Variants in ADAMTS12 observed in about 807,000 individuals in gnomAD.
ADAMTS12 encodes the protein A disintegrin and metalloproteinase with thrombospondin motifs 12.
In ADAMTS12, 118 loss-of-function variants were observed where a neutral mutation model predicts 167.8. The observed-to-expected ratio is 0.70, with a 90% CI of 0.61 to 0.82. The LOEUF (loss-of-function observed/expected upper bound fraction) is 0.82, where lower values mean the gene tolerates loss of function less well. Among genes scored for constraint, ADAMTS12 ranks in the 40% least tolerant of loss-of-function variants. The probability of loss-of-function intolerance (pLI) is 0.00; values close to 1 mark genes in which losing one functional copy is unlikely to be tolerated. For missense variants in ADAMTS12, 1,916 were observed against 1,998.8 expected (o/e 0.96, Z 0.79); for synonymous variants, 704 against 716.9 (o/e 0.98, Z 0.29).
intron 2 of ADAMTS12, among the ~76,000 whole-genome samples, chr5:33,770,866 CCTCT>C (rs1008880996): frequency 3.3e-5 from 5 of 151,926 alleles, no homozygotes; most frequent in African/African-American, 1.2e-4. Flanking sequence ...TCCTCCTCCT[CCTCT>C]ATTTTTTCTT....
intron 2 of ADAMTS12, among the ~76,000 whole-genome samples, chr5:33,849,000 A>ATAGCAATATATATATATGTATTGCT (rs1749062058): frequency 6.7e-6 from 1 of 150,268 alleles, no homozygotes; most frequent in Non-Finnish European, 1.5e-5. Flanking sequence ...TATGTATTGC[A>ATAGCAATATATATATATGTATTGCT]TAGCAATATA....
intron 2 of ADAMTS12, among the ~76,000 whole-genome samples, chr5:33,768,095 G>T (rs147804709): frequency 6.6e-6 from 1 of 152,146 alleles, no homozygotes; most frequent in African/African-American, 2.4e-5. Context: ...CATTCAGGCC[G>T]AAGTTAGTTG....
At chr5:33,700,588 G>A (rs1175103126) in intron 3 of ADAMTS12, among the ~76,000 whole-genome samples, 1 of 152,172 alleles carries the variant, frequency 6.6e-6, no homozygotes, top group African/African-American at 2.4e-5. Flanking sequence ...GGAATCTTTG[G>A]GGGCTGGAGC....
At chr5:33,743,718 A>ACCAT (rs570960759) in intron 3 of ADAMTS12, among the ~76,000 whole-genome samples, 3 of 151,980 alleles carry the variant, frequency 2.0e-5, no homozygotes, top group East Asian at 1.9e-4. Flanking sequence ...CATCCATCCA[A>ACCAT]CCATCCATCC....
intron 19 of ADAMTS12, among the ~76,000 whole-genome samples, chr5:33,573,419 A>T (rs1356670549): frequency 6.6e-6 from 1 of 152,232 alleles, no homozygotes; most frequent in Non-Finnish European, 1.5e-5. Flanking sequence ...TCAATGGAAC[A>T]GAACAGAGCC....
At chr5:33,675,970 G>A (rs1024941410) in intron 5 of ADAMTS12, among the ~76,000 whole-genome samples, 1 of 152,122 alleles carries the variant, frequency 6.6e-6, no homozygotes, top group African/African-American at 2.4e-5. Context: ...AAGCATCCTG[G>A]AAACTATTTG....
chr5:33,611,597 G>A (rs897463971), intron 16 of ADAMTS12, among the ~76,000 whole-genome samples: 1 of 152,120 alleles, frequency 6.6e-6, no homozygotes, highest in South Asian at 2.1e-4. Context: ...TCAATTATCA[G>A]AATATTTATA....
chr5:33,808,638 A>C (rs1292499599), intron 2 of ADAMTS12, among the ~76,000 whole-genome samples: 1 of 152,228 alleles, frequency 6.6e-6, no homozygotes, highest in Non-Finnish European at 1.5e-5. Context: ...GCATATAAAA[A>C]GGGAAAGCAT....
intron 2 of ADAMTS12, among the ~76,000 whole-genome samples, chr5:33,818,849 C>CT (rs1182483562): frequency 6.6e-6 from 1 of 152,002 alleles, no homozygotes; most frequent in East Asian, 1.9e-4. Flanking sequence ...ATGTTCAGTA[C>CT]TTTTTCATAT....
intron 14 of ADAMTS12, among the ~76,000 whole-genome samples, chr5:33,621,185 G>A (rs1485759125): frequency 6.6e-6 from 1 of 152,044 alleles, no homozygotes; most frequent in Non-Finnish European, 1.5e-5. Flanking sequence ...GGATCATGAG[G>A]TCAGGAGTTT....
intron 18 of ADAMTS12, among the ~76,000 whole-genome samples, chr5:33,584,087 T>C (rs1747211472): frequency 6.6e-6 from 1 of 152,226 alleles, no homozygotes; most frequent in Admixed American, 6.5e-5. Flanking sequence ...TGCGTTCAAA[T>C]CCTGGCTCCG....
At chr5:33,675,860 T>C (rs1048811292) in intron 5 of ADAMTS12, among the ~76,000 whole-genome samples, 8 of 152,130 alleles carry the variant, frequency 5.3e-5, no homozygotes, top group African/African-American at 7.2e-5. Flanking sequence ...ATGGATTAAA[T>C]TGAGGCAGCC....
chr5:33,780,606 T>C (rs942776340), intron 2 of ADAMTS12, among the ~76,000 whole-genome samples: 2 of 152,192 alleles, frequency 1.3e-5, no homozygotes, highest in Non-Finnish European at 2.9e-5. Flanking sequence ...GGGCATTCCC[T>C]GTGTAAAAGA....
intron 2 of ADAMTS12, among the ~76,000 whole-genome samples, chr5:33,843,210 T>TGATA (rs1165787938): frequency 6.6e-6 from 1 of 152,164 alleles, no homozygotes; most frequent in African/African-American, 2.4e-5. Flanking sequence ...AGTGAAGACA[T>TGATA]CTGCATAGGC....
chr5:33,805,334 G>A (rs1747182981), intron 2 of ADAMTS12, among the ~76,000 whole-genome samples: 1 of 152,130 alleles, frequency 6.6e-6, no homozygotes, highest in Non-Finnish European at 1.5e-5. Context: ...ATGAATACTA[G>A]AAATTCAGTC....
intron 4 of ADAMTS12, 117 bp downstream of exon 4, chr5:33,683,742 T>C (rs1458528784): frequency 3.2e-6 from 2 of 618,862 alleles, no homozygotes; most frequent in African/African-American, 1.9e-5. Flanking sequence ...GATTCACATA[T>C]ATATTTATAA....
At chr5:33,724,609 C>T (rs1478186168) in intron 3 of ADAMTS12, among the ~76,000 whole-genome samples, 8 of 150,296 alleles carry the variant, frequency 5.3e-5, no homozygotes, top group Non-Finnish European at 4.4e-5. Flanking sequence ...TGGACTGCAG[C>T]GGCGCTATCT....
intron 2 of ADAMTS12, among the ~76,000 whole-genome samples, chr5:33,807,867 T>C (rs943026106): frequency 2.0e-5 from 3 of 152,164 alleles, no homozygotes; most frequent in African/African-American, 7.2e-5. Flanking sequence ...TGCAGTTATC[T>C]GACAACGAGT....
At chr5:33,669,651 G>A (rs1741599016) in intron 5 of ADAMTS12, among the ~76,000 whole-genome samples, 2 of 151,764 alleles carry the variant, frequency 1.3e-5, no homozygotes, top group Non-Finnish European at 2.9e-5. Context: ...AGAAGGTGTA[G>A]TATTAAAAAA....
Sources: gnomAD v4.1 joint callset for allele counts (sites outside exome capture counted in the v4.1 genomes callset) on GRCh38, gnomAD v4.1.1 for gene constraint, MANE v1.5 for transcripts, NCBI Gene and HGNC (gene_info 2026-07-23, HGNC 2026-07-21) for gene names.